The following ERLEC1 variants were observed in gnomAD, a reference collection of about 807,000 sequenced individuals.
The protein encoded by ERLEC1 is ER lectin.
Under a neutral mutation model 68.0 loss-of-function variants are expected in ERLEC1, and 47 were observed. The observed-to-expected ratio is 0.69, with a 90% CI of 0.55 to 0.88. ERLEC1 has a LOEUF of 0.88. Ranked by LOEUF, ERLEC1 falls within the 40% of genes least tolerant of loss-of-function variation. The pLI, the probability that ERLEC1 is intolerant of heterozygous loss-of-function variation, is 0.00. For synonymous variants in ERLEC1, 225 were observed against 203.2 expected (o/e 1.11, Z -0.91); for missense variants, 567 against 583.8 (o/e 0.97, Z 0.30).
intron 6 of ERLEC1, among the ~76,000 whole-genome samples, chr2:53,800,420 A>G (rs1342671016): frequency 1.3e-5 from 2 of 152,174 alleles, no homozygotes; most frequent in Non-Finnish European, 2.9e-5. Context: ...AATGATAAAA[A>G]CTGAAATTTA....
intron 10 of ERLEC1, 87 bp from the exon 11 acceptor site, chr2:53,812,862 T>G (rs1676663236): frequency 2.1e-6 from 3 of 1,400,076 alleles, no homozygotes; most frequent in Non-Finnish European, 2.9e-6. Flanking sequence ...AGATAAAGAC[T>G]AGCTTACAAG....
intron 13 of ERLEC1, among the ~76,000 whole-genome samples, chr2:53,816,759 C>G (rs1264332761): frequency 6.6e-6 from 1 of 152,046 alleles, no homozygotes; most frequent in East Asian, 1.9e-4. Context: ...TATCTAATGC[C>G]TAAATGTGGT....
intron 1 of ERLEC1, chr2:53,788,549 A>G (rs1573056307): frequency 6.8e-6 from 1 of 148,000 alleles, no homozygotes; most frequent in South Asian, 2.1e-4. Flanking sequence ...GGGAAATCCC[A>G]CCACTCCTGG....
In ERLEC1 at chr2:53,814,536, G is replaced by C; in HGVS notation, c.1227-7G>C. 1 of 1,604,646 alleles carries C rather than the reference G, an allele frequency of 6.2e-7. No homozygotes were observed. The highest frequency in any genetic ancestry group is 1.7e-5 in the Admixed American group (1 of 59,690). Reference sequence around the variant, plus strand: ...TTTAATAAAACTTGTGTGTTTCTCTGATTCAGGATGGTGTCACATTTTTAT... The same window carrying C: ...TTTAATAAAACTTGTGTGTTTCTCTCATTCAGGATGGTGTCACATTTTTAT... On this transcript the variant is annotated splice_polypyrimidine_tract_variant and splice_region_variant and intron_variant, in intron 11 of 13. Transcript: ENST00000185150.
intron 10 of ERLEC1, among the ~76,000 whole-genome samples, chr2:53,809,664 C>G (rs1175207896): frequency 6.6e-6 from 1 of 152,122 alleles, no homozygotes; most frequent in Non-Finnish European, 1.5e-5. Context: ...GTGGCAGGAT[C>G]ATTTGAGCTC....
At position 53,809,274 on chromosome 2, in the gene ERLEC1, G is replaced by C; in HGVS notation, c.1101+1G>C. The C allele has an allele frequency of 5.2e-6, 8 of 1,548,216 alleles. No individual in the cohort carries two copies. Among genetic ancestry groups the C allele is most frequent in the Non-Finnish European group, 5.2e-6 (6 of 1,155,796 alleles). ...CAAACATGTACATCAATACCATGAG[G>C]TATAGAATAGCATTTATATATCATT... is the stretch of plus-strand genomic sequence containing the variant. On this transcript the variant is annotated splice_donor_variant, in intron 10 of 13. Transcript: ENST00000185150. LOFTEE classifies it high-confidence loss of function.
chr2:53,813,201 T>C (rs1676685416), intron 11 of ERLEC1, 128 bp downstream of exon 11: 4 of 1,146,252 alleles, frequency 3.5e-6, no homozygotes, highest in South Asian at 1.5e-5. Context: ...GGATATCTTT[T>C]AGGTTAGTTT....
chr2:53,787,075 G>A lies in ERLEC1; in HGVS notation c.-136G>A, dbSNP rs1229556328. On this transcript the variant is annotated 5_prime_UTR_variant, in exon 1 of 14. Transcript: ENST00000185150. ...GGCGTTGCCGGGCTCTCCGGAAGGA[G>A]ACGTGGCGGCGGTTGGGCCGGTGAT... 4.9e-6 allele frequency: 6 copies of A among 1,236,924 alleles called. No individual in the cohort carries two copies. The highest frequency in any genetic ancestry group is 6.4e-6 in the Non-Finnish European group (6 of 931,592). 76.6% of individuals were successfully genotyped at this position (1,236,924 alleles called of 1,614,324 possible).
chr2:53,792,169 G>T (rs964472306), intron 1 of ERLEC1, among the ~76,000 whole-genome samples: 15 of 150,904 alleles, frequency 9.9e-5, no homozygotes, highest in African/African-American at 3.4e-4. Flanking sequence ...CGCCCGTTTC[G>T]GCCTCCCAAA....
At position 53,817,878 on chromosome 2, in the gene ERLEC1, G is replaced by T. The variant is rs1676984945; in HGVS notation, c.1381-20G>T. The T allele has an allele frequency of 6.4e-7, 1 of 1,557,710 alleles. No homozygotes were observed. The highest frequency in any genetic ancestry group is 1.4e-5 in the African/African-American group (1 of 73,798). On this transcript the variant is annotated intron_variant, in intron 13 of 13. Coordinates refer to ENST00000185150, the MANE Select transcript of ERLEC1 (RefSeq NM_015701.5). ...TATTCAGCTTAGCAACTTTTTAATGGCTTTGTTGTTCTTCTTTAGGTTGAA... is the reference window on the plus strand; with the variant it reads ...TATTCAGCTTAGCAACTTTTTAATGTCTTTGTTGTTCTTCTTTAGGTTGAA...
intron 1 of ERLEC1, among the ~76,000 whole-genome samples, chr2:53,787,866 G>T (rs903552209): frequency 2.0e-5 from 3 of 152,190 alleles, no homozygotes; most frequent in Admixed American, 1.3e-4. Flanking sequence ...AGCTCCAAGG[G>T]AACTTTTTCC....
chr2:53,812,046 T>A (rs1404005017), intron 10 of ERLEC1, among the ~76,000 whole-genome samples: 1 of 152,180 alleles, frequency 6.6e-6, no homozygotes, highest in African/African-American at 2.4e-5. Context: ...GCCTCCCAAG[T>A]AGCTGGGGTT....
At chr2:53,810,041 ACT>A (rs1445897884) in intron 10 of ERLEC1, among the ~76,000 whole-genome samples, 2 of 152,228 alleles carry the variant, frequency 1.3e-5, no homozygotes, top group Admixed American at 6.5e-5. Context: ...ACAGAGCGAG[ACT>A]CTGTCTCAAA....
intron 8 of ERLEC1, among the ~76,000 whole-genome samples, chr2:53,803,187 C>G (rs1203910049): frequency 6.6e-6 from 1 of 152,152 alleles, no homozygotes; most frequent in African/African-American, 2.4e-5. Flanking sequence ...GGCTGCAAGG[C>G]TTGTTTCTTT....
intron 1 of ERLEC1, among the ~76,000 whole-genome samples, chr2:53,792,106 G>A (rs1422298324): frequency 6.6e-6 from 1 of 151,966 alleles, no homozygotes; most frequent in East Asian, 1.9e-4. Flanking sequence ...AGTAGAGACA[G>A]GGTTTCACCG....
rs147058130 is a variant in ERLEC1, at chr2:53,795,561, T to A, written c.268-372T>A. On this transcript the variant is annotated intron_variant, in intron 2 of 13. Transcript: ENST00000185150. ...ATAAGATTCAACTATTCTAAGGGCTTTCATAGCTAAGAATTTGTTTGGGTA... is the reference window on the plus strand; with the variant it reads ...ATAAGATTCAACTATTCTAAGGGCTATCATAGCTAAGAATTTGTTTGGGTA... Among the ~76,000 whole-genome samples, 447 of 152,350 alleles carry A rather than the reference T, an allele frequency of 2.9e-3. 1 individual carries two copies. Among genetic ancestry groups the A allele is most frequent in the African/African-American group, 0.01 (433 of 41,584 alleles).
intron 8 of ERLEC1, among the ~76,000 whole-genome samples, chr2:53,803,596 C>CAAA (rs55851874): frequency 1.8e-5 from 2 of 108,794 alleles, no homozygotes; most frequent in Non-Finnish European, 4.0e-5. Flanking sequence ...CCTGTCTCTA[C>CAAA]AAAAAAAAAA....
At chr2:53,815,109 A>G (rs1463446744) in intron 13 of ERLEC1, among the ~76,000 whole-genome samples, 174 bp downstream of exon 13, 3 of 147,970 alleles carry the variant, frequency 2.0e-5, no homozygotes, top group African/African-American at 7.5e-5. Context: ...AGGTTCAAGC[A>G]ATTCTTCTGC....
Position 53,801,573 on chromosome 2 carries a change from T to A in ERLEC1, c.702T>A (p.Tyr234Ter). 6.2e-7 allele frequency: 1 copy of A among 1,614,104 alleles called. No homozygotes were observed. Among genetic ancestry groups the A allele is most frequent in the Non-Finnish European group, 8.5e-7 (1 of 1,179,972 alleles). Residue 234 changes from tyrosine to a stop codon, truncating the protein, a stop_gained, in exon 7 of 14, where the codon TAT becomes TAA. Coordinates refer to ENST00000185150, the MANE Select transcript of ERLEC1 (RefSeq NM_015701.5). LOFTEE classifies it high-confidence loss of function. ...TAGCTGAAGTTACAACTTGTGAATA[T>A]GAAGTTGTCATTTTGACACCACTCT... ...LSVAEVTTCEYEVVILTPLLC... is the reference protein window; with the variant it reads ...LSVAEVTTCE
Sources: gnomAD v4.1 joint callset for allele counts (sites outside exome capture counted in the v4.1 genomes callset) on GRCh38, gnomAD v4.1.1 for gene constraint, MANE v1.5 for transcripts, NCBI Gene and HGNC (gene_info 2026-07-23, HGNC 2026-07-21) for gene names.